Variants in LRRC4C observed in about 807,000 individuals in gnomAD.
LRRC4C encodes leucine rich repeat containing 4C.
In LRRC4C, 5 loss-of-function variants were observed where a neutral mutation model predicts 33.6. The ratio of observed to expected loss-of-function variants is 0.15; its 90% CI spans 0.08 to 0.31. LRRC4C has a LOEUF of 0.31. Among genes scored for constraint, LRRC4C ranks in the 10% least tolerant of loss-of-function variants. The pLI, the probability that LRRC4C is intolerant of heterozygous loss-of-function variation, is 1.00. For missense variants in LRRC4C, 560 were observed against 796.7 expected (o/e 0.70, Z 3.58); for synonymous variants, 329 against 302.0 (o/e 1.09, Z -0.93).
intron 1 of LRRC4C, among the ~76,000 whole-genome samples, chr11:41,031,569 G>C (rs1856730583): frequency 6.6e-6 from 1 of 151,876 alleles, no homozygotes; most frequent in Non-Finnish European, 1.5e-5. Context: ...TATAACTCAG[G>C]TCCCCTGAAT....
chr11:40,558,174 T>C (rs1373559250), intron 3 of LRRC4C, among the ~76,000 whole-genome samples: 1 of 152,202 alleles, frequency 6.6e-6, no homozygotes, highest in Non-Finnish European at 1.5e-5. Context: ...CTAAAGAGCA[T>C]ACAATTTATG....
intron 1 of LRRC4C, among the ~76,000 whole-genome samples, chr11:41,407,830 C>T (rs898411394): frequency 5.9e-5 from 9 of 152,110 alleles, no homozygotes; most frequent in Admixed American, 2.0e-4. Context: ...GATGGTGTCA[C>T]CACACTCTGG....
At chr11:41,200,165 A>G (rs553815432) in intron 1 of LRRC4C, among the ~76,000 whole-genome samples, 1 of 152,228 alleles carries the variant, frequency 6.6e-6, no homozygotes, top group South Asian at 2.1e-4. Context: ...TTACAATGCA[A>G]TCTTCGTGGA....
chr11:40,371,564 T>TC (rs1772375775), intron 3 of LRRC4C, among the ~76,000 whole-genome samples: 1 of 152,212 alleles, frequency 6.6e-6, no homozygotes, highest in African/African-American at 2.4e-5. Flanking sequence ...CTTGCTGAGT[T>TC]TAAAGGCTCT....
chr11:40,778,773 C>A (rs1206504224), intron 2 of LRRC4C, among the ~76,000 whole-genome samples: 1 of 151,994 alleles, frequency 6.6e-6, no homozygotes, highest in Non-Finnish European at 1.5e-5. Flanking sequence ...AAAGGTAGAG[C>A]AAGTGAAAGA....
At chr11:40,545,999 C>T (rs556139857) in intron 3 of LRRC4C, among the ~76,000 whole-genome samples, 60 of 152,060 alleles carry the variant, frequency 3.9e-4, no homozygotes, top group African/African-American at 1.4e-3. Context: ...TTCAACAAGT[C>T]AGAAATGTGA....
At chr11:40,997,538 AG>A (rs1423120546) in intron 1 of LRRC4C, among the ~76,000 whole-genome samples, 1 of 152,168 alleles carries the variant, frequency 6.6e-6, no homozygotes, top group Non-Finnish European at 1.5e-5. Flanking sequence ...AATGAAGGAA[AG>A]GTATGCAATT....
intron 3 of LRRC4C, among the ~76,000 whole-genome samples, chr11:40,599,708 A>T (rs1209209317): frequency 6.6e-6 from 1 of 152,220 alleles, no homozygotes; most frequent in Non-Finnish European, 1.5e-5. Context: ...GTATCCAATA[A>T]ATATTTGTTG....
At chr11:40,911,982 G>A (rs1006960256) in intron 2 of LRRC4C, among the ~76,000 whole-genome samples, 9 of 152,164 alleles carry the variant, frequency 5.9e-5, no homozygotes, top group African/African-American at 1.7e-4. Context: ...GAAGTGAGAA[G>A]GGAAGTTGAG....
chr11:40,815,055 C>G (rs2135417088), intron 2 of LRRC4C, among the ~76,000 whole-genome samples: 1 of 152,188 alleles, frequency 6.6e-6, no homozygotes, highest in Admixed American at 6.6e-5. Context: ...CTAATAGGAC[C>G]AATTTACTGT....
At chr11:41,156,972 T>C (rs550871723) in intron 1 of LRRC4C, among the ~76,000 whole-genome samples, 1 of 152,096 alleles carries the variant, frequency 6.6e-6, no homozygotes, top group East Asian at 1.9e-4. Context: ...AATGCTGCTA[T>C]AAAAGGGATT....
At chr11:41,278,569 A>G (rs570386190) in intron 1 of LRRC4C, among the ~76,000 whole-genome samples, 9 of 152,352 alleles carry the variant, frequency 5.9e-5, no homozygotes, top group Admixed American at 4.6e-4. Context: ...AAAGCATCAC[A>G]TGGAGGGCTT....
intron 2 of LRRC4C, among the ~76,000 whole-genome samples, chr11:40,661,127 A>G (rs937583508): frequency 6.6e-6 from 1 of 152,136 alleles, no homozygotes; most frequent in Non-Finnish European, 1.5e-5. Context: ...TCTTCAATCA[A>G]AAGCATGATA....
At chr11:40,206,842 CA>C (rs964100914) in intron 5 of LRRC4C, among the ~76,000 whole-genome samples, 2 of 152,018 alleles carry the variant, frequency 1.3e-5, no homozygotes, top group African/African-American at 4.8e-5. Flanking sequence ...TTGTTCTTAA[CA>C]GATAGAATTC....
At chr11:40,486,831 T>C (rs1313501163) in intron 3 of LRRC4C, among the ~76,000 whole-genome samples, 1 of 152,048 alleles carries the variant, frequency 6.6e-6, no homozygotes, top group Non-Finnish European at 1.5e-5. Context: ...TGATTGCCTA[T>C]ATTGTAAACA....
chr11:40,291,543 G>A (rs1944190986), intron 4 of LRRC4C, among the ~76,000 whole-genome samples: 1 of 152,098 alleles, frequency 6.6e-6, no homozygotes, highest in Admixed American at 6.5e-5. Context: ...AGAGAAGTAG[G>A]TCCTCCTTGT....
Position 40,114,347 on chromosome 11 carries a change from T to A in LRRC4C, c.*23A>T, listed in dbSNP as rs190867420. On this transcript the variant is annotated 3_prime_UTR_variant, in exon 7 of 7. Coordinates refer to ENST00000528697, the MANE Select transcript of LRRC4C (RefSeq NM_001258419.2). ...AACTGTCTTTTTTTTTGATTGTTTG[T>A]TTTTTGTAACTCTGTAAATGTTTTA... 23 of 1,534,888 alleles carry A rather than the reference T, an allele frequency of 1.5e-5. No homozygotes were observed. Among genetic ancestry groups the A allele is most frequent in the Non-Finnish European group, 1.8e-5 (21 of 1,143,502 alleles).
intron 1 of LRRC4C, among the ~76,000 whole-genome samples, chr11:41,360,175 C>A (rs1443442302): frequency 6.6e-6 from 1 of 151,986 alleles, no homozygotes; most frequent in Non-Finnish European, 1.5e-5. Flanking sequence ...AAAGGGGGAC[C>A]CTGTCTCAAA....
At chr11:40,971,764 C>T (rs1236294175) in intron 1 of LRRC4C, among the ~76,000 whole-genome samples, 1 of 152,112 alleles carries the variant, frequency 6.6e-6, no homozygotes, top group Non-Finnish European at 1.5e-5. Flanking sequence ...AAGTTTAAAC[C>T]CTGGAAAGCT....
Sources: gnomAD v4.1 joint callset for allele counts (sites outside exome capture counted in the v4.1 genomes callset) on GRCh38, gnomAD v4.1.1 for gene constraint, MANE v1.5 for transcripts, NCBI Gene and HGNC (gene_info 2026-07-23, HGNC 2026-07-21) for gene names.